The following DDX10 variants were observed in gnomAD, a reference collection of about 807,000 sequenced individuals.
DDX10 encodes the protein DEAD-box helicase 10.
DDX10 carries 74 observed loss-of-function variants against 104.3 expected under a neutral mutation model. The observed-to-expected ratio is 0.71, with a 90% confidence interval of 0.59 to 0.86. The LOEUF is 0.86. Among genes scored for constraint, DDX10 ranks in the 40% least tolerant of loss-of-function variants. DDX10 has a pLI of 0.00. For missense variants in DDX10, 952 were observed against 1,040.0 expected (o/e 0.92, Z 1.16); for synonymous variants, 351 against 353.4 (o/e 0.99, Z 0.08).
intron 13 of DDX10, among the ~76,000 whole-genome samples, chr11:108,801,724 T>C (rs1019767040): frequency 1.3e-5 from 2 of 152,164 alleles, no homozygotes; most frequent in African/African-American, 4.8e-5. Flanking sequence ...AAGTTAGAAT[T>C]CAAATCCAGG....
chr11:108,728,182 C>G (rs967962333), intron 13 of DDX10, among the ~76,000 whole-genome samples: 1 of 152,096 alleles, frequency 6.6e-6, no homozygotes, highest in Non-Finnish European at 1.5e-5. Context: ...ACAACAACAA[C>G]AAGCCCTTTT....
At chr11:108,782,566 A>G (rs1418989339) in intron 13 of DDX10, among the ~76,000 whole-genome samples, 1 of 152,162 alleles carries the variant, frequency 6.6e-6, no homozygotes, top group Non-Finnish European at 1.5e-5. Flanking sequence ...TAATTTGTGT[A>G]ATACTTAGCA....
intron 2 of DDX10, among the ~76,000 whole-genome samples, chr11:108,674,657 C>T (rs2094221579): frequency 6.6e-6 from 1 of 152,074 alleles, no homozygotes; most frequent in South Asian, 2.1e-4. Flanking sequence ...ACTGCAGGTG[C>T]ATGCCACTGT....
At chr11:108,869,459 G>A (rs1179257515) in intron 16 of DDX10, among the ~76,000 whole-genome samples, 1 of 152,074 alleles carries the variant, frequency 6.6e-6, no homozygotes, top group Non-Finnish European at 1.5e-5. Flanking sequence ...ATTGTGAATT[G>A]TTACAGATGT....
intron 16 of DDX10, among the ~76,000 whole-genome samples, chr11:108,915,447 G>GTTTTTTTTTTTTTTTTT (rs34587206): frequency 7.1e-6 from 1 of 141,634 alleles, no homozygotes; most frequent in Non-Finnish European, 1.5e-5. Context: ...TTTTTTTTTG[G>GTTTTTTTTTTTTTTTTT]TTTTTTTTTT....
chr11:108,837,517 A>G (rs1379583887), intron 13 of DDX10, among the ~76,000 whole-genome samples: 1 of 136,168 alleles, frequency 7.3e-6, no homozygotes, highest in Non-Finnish European at 1.5e-5. Flanking sequence ...TTGAATTTTT[A>G]GTATCTTGCT....
Position 108,837,607 on chromosome 11 carries a change from C to CTTTTTTTTTTTTTTTTTTTTTTT in DDX10, c.1966-826_1966-804dup, listed in dbSNP as rs142381520. On this transcript the variant is annotated intron_variant, in intron 13 of 17. Coordinates refer to ENST00000322536, the MANE Select transcript of DDX10 (RefSeq NM_004398.4). ...TTCTGCATCTCACCTTTGGATACAG[C>CTTTTTTTTTTTTTTTTTTTTTTT]TTTTTTTTTTTTTTTTTTTTTTTTT... is the stretch of plus-strand genomic sequence containing the variant. Among the ~76,000 whole-genome samples the CTTTTTTTTTTTTTTTTTTTTTTT allele has an allele frequency of 1.7e-4, 6 of 34,748 alleles. 2 individuals carry two copies. Among genetic ancestry groups the CTTTTTTTTTTTTTTTTTTTTTTT allele is most frequent in the East Asian group, 1.1e-3 (1 of 884 alleles). 22.8% of individuals were successfully genotyped at this position (34,748 alleles called of 152,430 possible).
At position 108,763,772 on chromosome 11, in the gene DDX10, TTG is replaced by T. The variant is rs1310610412; in HGVS notation, c.1965+40316_1965+40317del. 2.6e-5 allele frequency among the ~76,000 whole-genome samples: 4 copies of T among 152,198 alleles called. No homozygotes were observed. The East Asian group carries it at 7.7e-4, about 29-fold the overall frequency. On this transcript the variant is annotated intron_variant, in intron 13 of 17. Transcript: ENST00000322536. ...GAGAGAATTTGATTCTGTTCAAAAT[TTG>T]TGTGTAATAAAAAGCAAAGAGTTTT...
chr11:108,905,756 T>A (rs1309507794), intron 16 of DDX10, among the ~76,000 whole-genome samples: 1 of 152,146 alleles, frequency 6.6e-6, no homozygotes, highest in Non-Finnish European at 1.5e-5. Flanking sequence ...TATAAAAAAA[T>A]ACCTGAGACT....
intron 16 of DDX10, among the ~76,000 whole-genome samples, chr11:108,870,215 T>G (rs979291915): frequency 6.6e-6 from 1 of 152,178 alleles, no homozygotes; most frequent in African/African-American, 2.4e-5. Context: ...ATCATCCAAG[T>G]CACCATAATC....
intron 13 of DDX10, among the ~76,000 whole-genome samples, chr11:108,806,532 C>A (rs186328550): frequency 6.6e-6 from 1 of 152,150 alleles, no homozygotes; most frequent in Non-Finnish European, 1.5e-5. Flanking sequence ...TCATCAAGGC[C>A]ATGTTAGCTG....
intron 17 of DDX10, among the ~76,000 whole-genome samples, chr11:108,939,047 T>C (rs908441222): frequency 1.3e-5 from 2 of 152,232 alleles, no homozygotes; most frequent in East Asian, 3.8e-4. Flanking sequence ...TTTAGAAAGT[T>C]AACGTGTATT....
intron 16 of DDX10, among the ~76,000 whole-genome samples, chr11:108,891,434 ACT>A (rs1202067124): frequency 3.3e-5 from 5 of 151,992 alleles, no homozygotes; most frequent in African/African-American, 1.2e-4. Context: ...TATCCAGTTG[ACT>A]CTTACATGTG....
At chr11:108,868,706 T>A (rs1863039728) in intron 16 of DDX10, among the ~76,000 whole-genome samples, 1 of 152,118 alleles carries the variant, frequency 6.6e-6, no homozygotes, top group African/African-American at 2.4e-5. Flanking sequence ...TATGCCAATG[T>A]TCTCTGATAT....
intron 13 of DDX10, among the ~76,000 whole-genome samples, chr11:108,804,697 A>G (rs1390982384): frequency 1.3e-5 from 2 of 152,178 alleles, no homozygotes; most frequent in African/African-American, 4.8e-5. Context: ...CTGGAGCAGA[A>G]TCCACTTTCA....
chr11:108,775,885 A>G (rs1185441953), intron 13 of DDX10, among the ~76,000 whole-genome samples: 1 of 152,182 alleles, frequency 6.6e-6, no homozygotes, highest in Non-Finnish European at 1.5e-5. Context: ...CTGTTTAATA[A>G]CTTCGTATAA....
At chr11:108,677,785 GAAAGAATAGCATCAC>G (rs2094227910) in intron 4 of DDX10, among the ~76,000 whole-genome samples, 1 of 151,174 alleles carries the variant, frequency 6.6e-6, no homozygotes, top group Non-Finnish European at 1.5e-5. Context: ...CACAAAAGAA[GAAAGAATAGCATCAC>G]AAACCCTTAC....
chr11:108,777,376 C>T (rs188711351), intron 13 of DDX10, among the ~76,000 whole-genome samples: 284 of 152,072 alleles, frequency 1.9e-3, no homozygotes, highest in Admixed American at 3.8e-3. Context: ...GTCACTCAGG[C>T]TGGAGTGCAG....
chr11:108,795,541 T>TCCA (rs1861929980), intron 13 of DDX10, among the ~76,000 whole-genome samples: 1 of 123,234 alleles, frequency 8.1e-6, no homozygotes, highest in Non-Finnish European at 1.6e-5. Flanking sequence ...CCACCCTGTG[T>TCCA]CCAAGTGTTC....
Sources: gnomAD v4.1 joint callset for allele counts (sites outside exome capture counted in the v4.1 genomes callset) on GRCh38, gnomAD v4.1.1 for gene constraint, MANE v1.5 for transcripts, NCBI Gene and HGNC (gene_info 2026-07-23, HGNC 2026-07-21) for gene names.